Variants in FMNL2 observed in about 807,000 individuals in gnomAD.
FMNL2 encodes formin-like protein 2.
In FMNL2, 51 loss-of-function variants were observed where a neutral mutation model predicts 130.2. That is an observed-to-expected ratio of 0.39 (90% CI 0.31 to 0.49). The LOEUF (loss-of-function observed/expected upper bound fraction) is 0.49. Among genes scored for constraint, FMNL2 ranks in the 20% least tolerant of loss-of-function variants. The pLI, the probability that FMNL2 is intolerant of heterozygous loss-of-function variation, is 0.85. For synonymous variants in FMNL2, 465 were observed against 467.1 expected (o/e 1.00, Z 0.06); for missense variants, 977 against 1,316.2 (o/e 0.74, Z 3.99).
chr2:152,382,889 G>T (rs192698955), intron 1 of FMNL2, among the ~76,000 whole-genome samples: 7 of 152,180 alleles, frequency 4.6e-5, no homozygotes, highest in Non-Finnish European at 1.0e-4. Context: ...ACAACAAACT[G>T]GTCTCACAAG....
At chr2:152,491,507 C>G (rs1231421864) in intron 1 of FMNL2, among the ~76,000 whole-genome samples, 2 of 152,210 alleles carry the variant, frequency 1.3e-5, no homozygotes, top group Non-Finnish European at 2.9e-5. Context: ...ATAAGCTTAG[C>G]TAAATTGACC....
chr2:152,568,716 A>G (rs1019442743), intron 6 of FMNL2, among the ~76,000 whole-genome samples: 3 of 152,172 alleles, frequency 2.0e-5, no homozygotes, highest in African/African-American at 7.2e-5. Context: ...GCAAAGGGAG[A>G]AATGCCTCTT....
At chr2:152,364,574 A>G (rs980144811) in intron 1 of FMNL2, among the ~76,000 whole-genome samples, 7 of 152,204 alleles carry the variant, frequency 4.6e-5, no homozygotes, top group African/African-American at 1.7e-4. Context: ...AAGCGATTCC[A>G]TGACCAGTAT....
At chr2:152,528,301 A>G (rs781532092) in intron 2 of FMNL2, among the ~76,000 whole-genome samples, 1 of 152,206 alleles carries the variant, frequency 6.6e-6, no homozygotes, top group East Asian at 1.9e-4. Flanking sequence ...TACGGCTGCC[A>G]TAACAAATTA....
chr2:152,510,619 A>C (rs948233854), intron 1 of FMNL2, among the ~76,000 whole-genome samples: 13 of 152,262 alleles, frequency 8.5e-5, no homozygotes, highest in Admixed American at 7.8e-4. Context: ...GTATTACTTT[A>C]ATACCAGGAT....
At chr2:152,475,391 A>G (rs534515742) in intron 1 of FMNL2, among the ~76,000 whole-genome samples, 280 of 152,358 alleles carry the variant, frequency 1.8e-3, no homozygotes, top group African/African-American at 6.5e-3. Flanking sequence ...TCTTAGACCA[A>G]GTTCTTGACA....
intron 1 of FMNL2, among the ~76,000 whole-genome samples, chr2:152,486,216 G>A (rs553858274): frequency 6.6e-6 from 1 of 152,140 alleles, no homozygotes. Flanking sequence ...AAAAGAAATC[G>A]CTGTAAAGTT....
chr2:152,563,140 A>T (rs1317626064), intron 6 of FMNL2, among the ~76,000 whole-genome samples: 1 of 152,190 alleles, frequency 6.6e-6, no homozygotes, highest in Non-Finnish European at 1.5e-5. Flanking sequence ...TTCAAAGTGG[A>T]TCTTGCTAGA....
Position 152,611,614 on chromosome 2 carries a change from A to G in FMNL2, c.1062+9A>G. Reference sequence around the variant, plus strand: ...TGGACGAATACTTGGACGTGAGTATAGCTGTGACCTTTGGCTCCAATATAA... The same window carrying G: ...TGGACGAATACTTGGACGTGAGTATGGCTGTGACCTTTGGCTCCAATATAA... On this transcript the variant is annotated intron_variant, in intron 11 of 25. Coordinates refer to ENST00000288670, the MANE Select transcript of FMNL2 (RefSeq NM_052905.4). 1 of 1,534,586 alleles carries G rather than the reference A, an allele frequency of 6.5e-7. No homozygotes were observed. The highest frequency in any genetic ancestry group is 9.0e-7 in the Non-Finnish European group (1 of 1,116,098).
intron 4 of FMNL2, among the ~76,000 whole-genome samples, chr2:152,550,854 T>C (rs1694897878): frequency 6.6e-6 from 1 of 152,152 alleles, no homozygotes; most frequent in South Asian, 2.1e-4. Flanking sequence ...AAGCATTTCT[T>C]AGGCTGTGCG....
intron 1 of FMNL2, among the ~76,000 whole-genome samples, chr2:152,382,240 T>C (rs1029023637): frequency 6.6e-6 from 1 of 152,242 alleles, no homozygotes; most frequent in African/African-American, 2.4e-5. Flanking sequence ...TCGTAGATTG[T>C]GCTCCATTTT....
At chr2:152,630,620 G>C (rs1682096893) in intron 20 of FMNL2, among the ~76,000 whole-genome samples, 2 of 152,176 alleles carry the variant, frequency 1.3e-5, no homozygotes, top group Admixed American at 6.5e-5. Context: ...CCCCCGACCA[G>C]GGAGCTAGTT....
intron 24 of FMNL2, 90 bp from the exon 25 acceptor site, chr2:152,640,701 T>C: frequency 6.7e-7 from 1 of 1,488,504 alleles, no homozygotes; most frequent in Non-Finnish European, 9.0e-7. Flanking sequence ...AAGCTGCTTA[T>C]TAGTAACATA....
At position 152,359,930 on chromosome 2, in the gene FMNL2, A is replaced by G. The variant is rs895210312; in HGVS notation, c.117+24210A>G. ...GATTTTGGCTGGCCACTCTGACGTC[A>G]TTTGAACTAGGCACACATTCAACTA... On this transcript the variant is annotated intron_variant, in intron 1 of 25. Coordinates refer to ENST00000288670, the MANE Select transcript of FMNL2 (RefSeq NM_052905.4). 2.0e-5 allele frequency among the ~76,000 whole-genome samples: 3 copies of G among 152,212 alleles called. No homozygotes were observed. In the South Asian group the frequency reaches 6.2e-4, roughly 32 times the overall value.
chr2:152,383,283 T>TC (rs1262607972), intron 1 of FMNL2, among the ~76,000 whole-genome samples: 2 of 150,378 alleles, frequency 1.3e-5, no homozygotes, highest in East Asian at 3.9e-4. Context: ...CTTTTTTTTT[T>TC]TTTTTTTTTT....
intron 1 of FMNL2, among the ~76,000 whole-genome samples, chr2:152,498,897 C>G (rs1224779391): frequency 6.6e-6 from 1 of 152,118 alleles, no homozygotes; most frequent in Non-Finnish European, 1.5e-5. Context: ...CAGAAAGAGG[C>G]AGAATTAGTC....
At chr2:152,544,970 G>T (rs1480901209) in intron 3 of FMNL2, among the ~76,000 whole-genome samples, 1 of 152,206 alleles carries the variant, frequency 6.6e-6, no homozygotes, top group African/African-American at 2.4e-5. Flanking sequence ...GACATAAGAT[G>T]TCTGTTTGGG....
chr2:152,524,981 T>C (rs192080171), intron 2 of FMNL2, among the ~76,000 whole-genome samples: 30 of 152,276 alleles, frequency 2.0e-4, no homozygotes, highest in African/African-American at 7.0e-4. Flanking sequence ...GAGGAGCATG[T>C]GGAGTGAAGT....
chr2:152,497,308 G>A lies in FMNL2; in HGVS notation c.118-24635G>A, dbSNP rs900380851. Among the ~76,000 whole-genome samples the A allele has an allele frequency of 2.6e-5, 4 of 152,026 alleles. No individual in the cohort carries two copies. The South Asian group carries it at 8.3e-4, about 32-fold the overall frequency. ...ATTTGCTAACTAGAATGTAACATTT[G>A]TGTGCATTTTTTTTTGTTTTTAGTG... On this transcript the variant is annotated intron_variant, in intron 1 of 25. Coordinates refer to ENST00000288670, the MANE Select transcript of FMNL2 (RefSeq NM_052905.4).
Sources: gnomAD v4.1 joint callset for allele counts (sites outside exome capture counted in the v4.1 genomes callset) on GRCh38, gnomAD v4.1.1 for gene constraint, MANE v1.5 for transcripts, NCBI Gene and HGNC (gene_info 2026-07-23, HGNC 2026-07-21) for gene names.